DISC1: variants seen among roughly 807,000 people sequenced by gnomAD.
The protein encoded by DISC1 is disrupted in schizophrenia 1 protein.
A neutral mutation model predicts 84.5 loss-of-function variants in DISC1; 57 were observed. That is an observed-to-expected ratio of 0.67 (90% CI 0.55 to 0.84). The LOEUF (loss-of-function observed/expected upper bound fraction) is 0.84, where lower values mean the gene tolerates loss of function less well. DISC1 is among the 40% of genes least tolerant of loss of function. DISC1 has a pLI of 0.00. For missense variants in DISC1, 1,000 were observed against 1,057.8 expected (o/e 0.95, Z 0.76); for synonymous variants, 411 against 415.2 (o/e 0.99, Z 0.12).
chr1:231,807,526 TGCTGA>T (rs2079836223), intron 8 of DISC1, among the ~76,000 whole-genome samples: 1 of 152,252 alleles, frequency 6.6e-6, no homozygotes. Flanking sequence ...ATTCATTGGT[TGCTGA>T]TCCCTAGAAT....
intron 11 of DISC1, among the ~76,000 whole-genome samples, chr1:232,020,175 C>G (rs1668833196): frequency 6.6e-6 from 1 of 151,996 alleles, no homozygotes; most frequent in South Asian, 2.1e-4. Context: ...AACCCTGCCT[C>G]TACTAAAAAT....
intron 9 of DISC1, among the ~76,000 whole-genome samples, chr1:231,821,464 A>G (rs1054590964): frequency 3.9e-5 from 6 of 152,220 alleles, no homozygotes; most frequent in Admixed American, 2.0e-4. Flanking sequence ...CACAATCTCT[A>G]TAAAGAGATG....
chr1:231,788,477 G>A (rs1436790896), intron 6 of DISC1, among the ~76,000 whole-genome samples: 6 of 152,126 alleles, frequency 3.9e-5, no homozygotes, highest in South Asian at 2.1e-4. Context: ...CAGTCATGTC[G>A]GAGTATGGTT....
intron 9 of DISC1, among the ~76,000 whole-genome samples, chr1:231,884,786 A>T (rs2086566108): frequency 6.6e-6 from 1 of 152,078 alleles, no homozygotes; most frequent in African/African-American, 2.4e-5. Flanking sequence ...CTCCGAACCT[A>T]AAATAAAAGA....
intron 1 of DISC1, among the ~76,000 whole-genome samples, chr1:231,638,030 A>G (rs929357250): frequency 6.6e-6 from 1 of 152,186 alleles, no homozygotes; most frequent in African/African-American, 2.4e-5. Flanking sequence ...TGACTTTTTA[A>G]TAATGGCCAT....
chr1:231,830,043 A>T, intron 9 of DISC1, among the ~76,000 whole-genome samples: 2 of 152,300 alleles, frequency 1.3e-5, no homozygotes, highest in Admixed American at 1.3e-4. Context: ...CGTGCAGGTC[A>T]CAGGGGATAT....
At chr1:231,869,188 G>A (rs2085281004) in intron 9 of DISC1, among the ~76,000 whole-genome samples, 1 of 152,178 alleles carries the variant, frequency 6.6e-6, no homozygotes, top group African/African-American at 2.4e-5. Context: ...TGAATGAAAA[G>A]TGGTGAAGGA....
At position 231,766,665 on chromosome 1, in the gene DISC1, T is replaced by G. The variant is rs764786876; in HGVS notation, c.1269-475T>G. On this transcript the variant is annotated intron_variant, in intron 4 of 12. Transcript: ENST00000439617. The stretch of plus-strand genomic sequence containing the variant: ...ACTCCTAATCATTTGAATAAAGATC[T>G]TGTTATATTTCCCCAAAATTAATAA... Among the ~76,000 whole-genome samples, 11 of 152,376 alleles carry G rather than the reference T, an allele frequency of 7.2e-5. 1 individual carries two copies. The South Asian group carries it at 1.2e-3, about 17-fold the overall frequency.
intron 9 of DISC1, among the ~76,000 whole-genome samples, chr1:231,833,735 G>A (rs2125830751): frequency 6.6e-6 from 1 of 152,336 alleles, no homozygotes; most frequent in South Asian, 2.1e-4. Flanking sequence ...GCATTTGGAA[G>A]TTCTTGTGTG....
intron 9 of DISC1, among the ~76,000 whole-genome samples, chr1:231,863,040 C>G (rs1160175481): frequency 6.6e-6 from 1 of 151,806 alleles, no homozygotes; most frequent in Non-Finnish European, 1.5e-5. Context: ...AGTCGGTCAC[C>G]CCATTTTGGT....
chr1:232,026,380 G>A (rs1669466092), intron 11 of DISC1, 55 bp from the exon 12 acceptor site: 1 of 1,263,588 alleles, frequency 7.9e-7, no homozygotes, highest in African/African-American at 1.5e-5. Flanking sequence ...TTCCCTTTGT[G>A]TTCTGTCTGT....
chr1:231,772,673 C>G (rs775210718), intron 6 of DISC1, among the ~76,000 whole-genome samples: 6 of 152,194 alleles, frequency 3.9e-5, no homozygotes, highest in Non-Finnish European at 8.8e-5. Flanking sequence ...CAGTCGTCGT[C>G]TTTACAATGG....
chr1:231,860,279 T>C (rs1449493361), intron 9 of DISC1, among the ~76,000 whole-genome samples: 1 of 152,194 alleles, frequency 6.6e-6, no homozygotes, highest in African/African-American at 2.4e-5. Context: ...AACATAATAA[T>C]GCAGGTTGAG....
intron 1 of DISC1, among the ~76,000 whole-genome samples, chr1:231,659,379 T>A (rs1284642863): frequency 6.6e-6 from 1 of 152,212 alleles, no homozygotes; most frequent in African/African-American, 2.4e-5. Flanking sequence ...CTTTTCCTCT[T>A]TGTTAGTCTA....
intron 9 of DISC1, among the ~76,000 whole-genome samples, chr1:231,896,372 G>T (rs1380265423): frequency 1.3e-5 from 2 of 152,138 alleles, no homozygotes; most frequent in African/African-American, 4.8e-5. Context: ...TAGAGGTCAG[G>T]ACAGAACTCT....
intron 10 of DISC1, among the ~76,000 whole-genome samples, chr1:231,994,710 G>C (rs565075403): frequency 3.3e-5 from 5 of 152,166 alleles, no homozygotes; most frequent in African/African-American, 9.7e-5. Context: ...TGAGGATGAT[G>C]ATGAGTAGCT....
intron 3 of DISC1, among the ~76,000 whole-genome samples, chr1:231,718,522 C>T (rs988755861): frequency 1.2e-4 from 18 of 151,570 alleles, no homozygotes; most frequent in Non-Finnish European, 2.2e-4. Flanking sequence ...CCACAAACTC[C>T]GTCTCCCGGG....
chr1:231,777,941 G>A (rs2125505038), intron 6 of DISC1, among the ~76,000 whole-genome samples: 1 of 152,312 alleles, frequency 6.6e-6, no homozygotes, highest in East Asian at 1.9e-4. Context: ...TTTTAATGCA[G>A]AGGGAATCCA....
intron 3 of DISC1, among the ~76,000 whole-genome samples, chr1:231,709,845 C>A (rs1466746180): frequency 6.6e-6 from 1 of 152,190 alleles, no homozygotes; most frequent in Non-Finnish European, 1.5e-5. Context: ...ACAAGCTGTT[C>A]ATGTTGTAGA....
Sources: allele counts gnomAD v4.1 joint callset (sites outside exome capture counted in the v4.1 genomes callset), GRCh38; gene constraint gnomAD v4.1.1; transcripts MANE v1.5; gene names NCBI Gene and HGNC (gene_info 2026-07-23, HGNC 2026-07-21).